The following ADARB1 variants were observed in gnomAD, a reference collection of about 807,000 sequenced individuals.
The protein encoded by ADARB1 is double-stranded RNA-specific editase 1.
In ADARB1, 10 loss-of-function variants were observed where a neutral mutation model predicts 52.4. The ratio of observed to expected loss-of-function variants is 0.19; its 90% CI spans 0.12 to 0.32. The LOEUF is 0.32. Ranked by LOEUF, ADARB1 falls within the 10% of genes least tolerant of loss-of-function variation. The pLI, the probability that ADARB1 is intolerant of heterozygous loss-of-function variation, is 1.00. For synonymous variants in ADARB1, 349 were observed against 371.1 expected, an observed-to-expected ratio of 0.94 and a Z score of 0.68; for missense variants, 643 against 922.3, an observed-to-expected ratio of 0.70 and a Z score of 3.92.
intron 2 of ADARB1, among the ~76,000 whole-genome samples, chr21:45,161,670 G>A (rs1291587838): frequency 2.0e-5 from 3 of 152,204 alleles, no homozygotes; most frequent in African/African-American, 7.2e-5. Flanking sequence ...AAGCTCCTGG[G>A]AAGAAAGGGG....
Position 45,208,698 on chromosome 21 carries a change from G to A in ADARB1, c.1747+3962G>A, listed in dbSNP as rs955008865. Among the ~76,000 whole-genome samples, 2 of 151,972 alleles carry A rather than the reference G, an allele frequency of 1.3e-5. No individual in the cohort carries two copies. Among genetic ancestry groups the A allele is most frequent in the African/African-American group, 4.8e-5 (2 of 41,324 alleles). On this transcript the variant is annotated intron_variant, in intron 9 of 10. Transcript: ENST00000348831. This position sits in a 1 kb window ranked among gnomAD's most constrained non-coding sequence, Gnocchi z 5.6. ...TGTATGAGTGTGTGTGCATGTGTGT[G>A]TGCACGCTCACATGAGTGTATGAGA...
chr21:45,154,904 A>G (rs1261708236), intron 2 of ADARB1, among the ~76,000 whole-genome samples: 1 of 152,230 alleles, frequency 6.6e-6, no homozygotes, highest in Non-Finnish European at 1.5e-5. Flanking sequence ...GCACCCAGCC[A>G]GTGCTCAGTG....
chr21:45,167,336 T>G (rs894751662), intron 2 of ADARB1, among the ~76,000 whole-genome samples: 1 of 152,266 alleles, frequency 6.6e-6, no homozygotes, highest in Admixed American at 6.5e-5. Flanking sequence ...TTGTAAAGTT[T>G]GTTTTTCCTG....
chr21:45,118,640 CCTT>C (rs2087964446), intron 1 of ADARB1: 1 of 152,222 alleles, frequency 6.6e-6, no homozygotes, highest in East Asian at 1.9e-4. Context: ...TCTACTCTCT[CCTT>C]CTCTCCCTCC....
intron 9 of ADARB1, among the ~76,000 whole-genome samples, chr21:45,211,884 G>A (rs566768036): frequency 8.5e-5 from 13 of 152,310 alleles, no homozygotes; most frequent in South Asian, 8.3e-4. Context: ...TCAGGGACTC[G>A]TAGACGTATG....
intron 4 of ADARB1, 42 bp from the exon 5 acceptor site, chr21:45,180,288 G>A (rs770003688): frequency 3.5e-6 from 5 of 1,437,168 alleles, no homozygotes; most frequent in Non-Finnish European, 2.9e-6. Context: ...CCTGCTCCCA[G>A]CTGCATCTGG....
chr21:45,204,528 G>A lies in ADARB1; in HGVS notation c.1566-27G>A, dbSNP rs1233735170. ...CGTCGACACTGAGTCCGAGCTCCCT[G>A]AAGACTGTGCTTTCTTCTCCCTCCA... On this transcript the variant is annotated intron_variant, in intron 8 of 10. Coordinates refer to ENST00000348831, the MANE Select transcript of ADARB1 (RefSeq NM_001112.4). This position sits in a 1 kb window ranked among gnomAD's most constrained non-coding sequence, Gnocchi z 4.4. The A allele has an allele frequency of 1.2e-6, 2 of 1,612,208 alleles. No homozygotes were observed. The highest frequency in any genetic ancestry group is 3.3e-5 in the Admixed American group (2 of 59,966).
chr21:45,178,092 G>T lies in ADARB1; in HGVS notation c.963+1428G>T, dbSNP rs116737183. 1.7e-3 allele frequency among the ~76,000 whole-genome samples: 263 copies of T among 152,258 alleles called. 1 individual carries two copies. Among genetic ancestry groups the T allele is most frequent in the African/African-American group, 5.9e-3 (247 of 41,550 alleles). ...GTCTTCCCTTAATATTGACAGAGTGGCATATAAGACCATTGAAATGACATC... is the reference window on the plus strand; with the variant it reads ...GTCTTCCCTTAATATTGACAGAGTGTCATATAAGACCATTGAAATGACATC... On this transcript the variant is annotated intron_variant, in intron 4 of 10. Transcript: ENST00000348831.
At chr21:45,164,266 C>A (rs1488571203) in intron 2 of ADARB1, among the ~76,000 whole-genome samples, 1 of 152,126 alleles carries the variant, frequency 6.6e-6, no homozygotes, top group African/African-American at 2.4e-5. Context: ...GGGAGGACAG[C>A]TGTTGAATGT....
Position 45,183,654 on chromosome 21 carries a change from T to A in ADARB1, c.1396+144T>A, listed in dbSNP as rs540230041. ...TCTGATAAGAGTCTCTATAAAAGCA[T>A]GGATTTTTTTCTTTCCAATTAACTT... On this transcript the variant is annotated intron_variant, in intron 7 of 10. Transcript: ENST00000348831. 2.3e-4 allele frequency: 225 copies of A among 984,764 alleles called. 5 individuals are homozygous for A. The South Asian group carries it at 2.3e-3, about 10-fold the overall frequency. 61.0% of individuals were successfully genotyped at this position (984,764 alleles called of 1,614,324 possible).
chr21:45,198,498 CACACACACACACACACACACACAT>C (rs2092476351), intron 8 of ADARB1, among the ~76,000 whole-genome samples: 1 of 100,264 alleles, frequency 1.0e-5, no homozygotes, highest in Non-Finnish European at 2.2e-5. Context: ...TAAATTAAAT[CACACACACACACACACACACACAT>C]ACACACACAC....
intron 2 of ADARB1, among the ~76,000 whole-genome samples, chr21:45,143,757 C>T (rs748245129): frequency 6.6e-6 from 1 of 152,222 alleles, no homozygotes; most frequent in Non-Finnish European, 1.5e-5. Flanking sequence ...TTCACTCTTC[C>T]CAGAAGAGAA....
rs1418818636 is a variant in ADARB1 at position 45,220,979 on chromosome 21, G to A, written c.1891G>A (p.Ala631Thr). The A allele has an allele frequency of 5.0e-6, 8 of 1,612,910 alleles. No individual in the cohort carries two copies. The highest frequency in any genetic ancestry group is 6.8e-6 in the Non-Finnish European group (8 of 1,180,004). Residue 631 changes from alanine (A) to threonine (T), a missense_variant, in exon 10 of 11, where the codon GCG (alanine) becomes ACG (threonine). Ala to Thr is a moderately conservative substitution (Grantham distance 58). This residue lies in a region of ADARB1 where 263 missense variants were observed against 475.8 expected (regional missense o/e 0.55). Transcript: ENST00000348831. This position sits in a 1 kb window ranked among gnomAD's most constrained non-coding sequence, Gnocchi z 6.3. The part of the protein sequence containing the change: ...LGRASRLCKH[A>T]LYCRWMRVHG... Reference sequence around the variant, plus strand: ...CCGCGCGTCCCGCCTGTGTAAGCACGCGTTGTACTGTCGCTGGATGCGTGT... The same window carrying A: ...CCGCGCGTCCCGCCTGTGTAAGCACACGTTGTACTGTCGCTGGATGCGTGT...
Position 45,077,674 on chromosome 21 carries a change from AAAAAG to A in ADARB1, c.-220+2891_-220+2895del, listed in dbSNP as rs1392176122. 4.6e-5 allele frequency among the ~76,000 whole-genome samples: 7 copies of A among 152,190 alleles called. No homozygotes were observed. In the East Asian group the frequency reaches 1.3e-3, roughly 29 times the overall value. On this transcript the variant is annotated intron_variant, in intron 1 of 10. Coordinates refer to ENST00000348831, the MANE Select transcript of ADARB1 (RefSeq NM_001112.4). ...AGAGCGAGACGCCGTCTAAAAAAAA[AAAAAG>A]AAAAGAAAAAGAAAACTCAGTGGTT...
chr21:45,188,962 A>G (rs867115992), intron 8 of ADARB1, among the ~76,000 whole-genome samples: 2 of 152,224 alleles, frequency 1.3e-5, no homozygotes, highest in Non-Finnish European at 2.9e-5. Context: ...CACAATTCAC[A>G]TGGCAGCAGA....
At position 45,180,351 on chromosome 21, in the gene ADARB1, C is replaced by T; in HGVS notation, c.985C>T (p.Arg329Cys). 1 of 1,614,116 alleles carries T rather than the reference C, an allele frequency of 6.2e-7. No homozygotes were observed. Among genetic ancestry groups the T allele is most frequent in the South Asian group, 1.1e-5 (1 of 91,064 alleles). Residue 329 changes from arginine to cysteine, a missense_variant, in exon 5 of 11, where the codon CGC (arginine) becomes TGC (cysteine). By Grantham distance (180) the Arg-to-Cys change is radical. Transcript: ENST00000348831. ...LPQVLADAVS[R>C]LVLGKFGDLT... Reference sequence around the variant, plus strand: ...ACAGGTTTTAGCTGACGCTGTCTCACGCCTGGTCCTGGGTAAGTTTGGTGA... The same window carrying T: ...ACAGGTTTTAGCTGACGCTGTCTCATGCCTGGTCCTGGGTAAGTTTGGTGA...
chr21:45,195,475 C>T (rs927397798), intron 8 of ADARB1, among the ~76,000 whole-genome samples: 1 of 152,168 alleles, frequency 6.6e-6, no homozygotes, highest in Admixed American at 6.5e-5. Flanking sequence ...GAAAAGTCAT[C>T]ACCAAACCCA....
At chr21:45,131,686 C>G (rs557919956) in intron 2 of ADARB1, among the ~76,000 whole-genome samples, 95 of 152,326 alleles carry the variant, frequency 6.2e-4, no homozygotes, top group Non-Finnish European at 1.2e-3. Context: ...AAAGTTCTCT[C>G]GAAGCCTTGA....
chr21:45,173,372 G>A (rs1407536373), intron 3 of ADARB1, among the ~76,000 whole-genome samples: 1 of 152,134 alleles, frequency 6.6e-6, no homozygotes, highest in East Asian at 1.9e-4. Context: ...TCTTTCTCTA[G>A]TTTTAGTATT....
Sources: gnomAD v4.1 joint callset for allele counts (sites outside exome capture counted in the v4.1 genomes callset) on GRCh38, gnomAD v4.1.1 for gene constraint, gnomAD v4.1.1 regional missense constraint, Gnocchi (gnomAD v3.1) non-coding constraint, MANE v1.5 for transcripts, NCBI Gene and HGNC (gene_info 2026-07-23, HGNC 2026-07-21) for gene names.